The following RFX3 variants were observed in gnomAD, a reference collection of about 807,000 sequenced individuals.
RFX3 encodes the protein transcription factor RFX3.
A neutral mutation model predicts 98.6 loss-of-function variants in RFX3; 14 were observed. The observed-to-expected ratio is 0.14, with a 90% CI of 0.09 to 0.22. The LOEUF is 0.22. Ranked by LOEUF, RFX3 falls within the 10% of genes least tolerant of loss-of-function variation. The pLI is 1.00. For synonymous variants in RFX3, 383 were observed against 328.4 expected (o/e 1.17, Z -1.80); for missense variants, 639 against 926.9 (o/e 0.69, Z 4.03).
chr9:3,453,348 C>T (rs1846843905), intron 1 of RFX3, among the ~76,000 whole-genome samples: 1 of 151,784 alleles, frequency 6.6e-6, no homozygotes, highest in East Asian at 1.9e-4. Context: ...AACAGTATTT[C>T]TTCTGCATAG....
At chr9:3,433,677 T>C (rs1383774116) in intron 1 of RFX3, among the ~76,000 whole-genome samples, 1 of 152,170 alleles carries the variant, frequency 6.6e-6, no homozygotes, top group African/African-American at 2.4e-5. Flanking sequence ...TAAACCAATG[T>C]TTTTCAGAAC....
chr9:3,398,098 G>A (rs942875711), intron 1 of RFX3, among the ~76,000 whole-genome samples: 1 of 152,054 alleles, frequency 6.6e-6, no homozygotes, highest in Non-Finnish European at 1.5e-5. Context: ...TCTCACAAAT[G>A]GTGGTTTATT....
At chr9:3,463,563 CCA>C (rs1847911017) in intron 1 of RFX3, among the ~76,000 whole-genome samples, 1 of 151,766 alleles carries the variant, frequency 6.6e-6, no homozygotes, top group Non-Finnish European at 1.5e-5. Context: ...AAGCACAAGC[CCA>C]CAGACTTGGA....
chr9:3,463,824 A>T (rs1451532141), intron 1 of RFX3, among the ~76,000 whole-genome samples: 4 of 152,094 alleles, frequency 2.6e-5, no homozygotes, highest in African/African-American at 7.2e-5. Flanking sequence ...GTTAAAAAAA[A>T]TTAGCCAGGC....
chr9:3,492,665 A>ATT (rs1850811505), intron 1 of RFX3, among the ~76,000 whole-genome samples: 1 of 152,166 alleles, frequency 6.6e-6, no homozygotes, highest in South Asian at 2.1e-4. Flanking sequence ...ATGCTATGGC[A>ATT]AAGAGCCCAG....
chr9:3,485,737 A>G (rs1193818098), intron 1 of RFX3, among the ~76,000 whole-genome samples: 1 of 152,214 alleles, frequency 6.6e-6, no homozygotes, highest in African/African-American at 2.4e-5. Context: ...CTTTAGTTAT[A>G]AGAGAATATT....
At chr9:3,441,986 G>C (rs1188728652) in intron 1 of RFX3, among the ~76,000 whole-genome samples, 3 of 152,088 alleles carry the variant, frequency 2.0e-5, no homozygotes, top group Non-Finnish European at 4.4e-5. Context: ...GATCACCTGA[G>C]GTCAGGAGTT....
chr9:3,297,380 A>G (rs1404815037), intron 5 of RFX3, among the ~76,000 whole-genome samples: 1 of 151,988 alleles, frequency 6.6e-6, no homozygotes, highest in Non-Finnish European at 1.5e-5. Context: ...ACTAATATAC[A>G]CTCATTTAAT....
At chr9:3,429,244 G>C (rs983653932) in intron 1 of RFX3, among the ~76,000 whole-genome samples, 4 of 150,674 alleles carry the variant, frequency 2.7e-5, no homozygotes, top group Non-Finnish European at 4.4e-5. Context: ...AGATGGTCTC[G>C]ATCTCCTGAC....
chr9:3,504,593 C>CCATATGGTATATATTGT (rs1816547397), intron 1 of RFX3, among the ~76,000 whole-genome samples: 3 of 7,024 alleles, frequency 4.3e-4, no homozygotes, highest in African/African-American at 9.1e-4. Context: ...GTATATATTG[C>CCATATGGTATATATTGT]ATATAAAATA....
chr9:3,288,325 AC>A, intron 6 of RFX3, 75 bp from the exon 7 acceptor site: 3 of 1,398,610 alleles, frequency 2.1e-6, no homozygotes, highest in Non-Finnish European at 3.0e-6. Context: ...TGTCCATTAA[AC>A]TTCACACTTG....
intron 1 of RFX3, among the ~76,000 whole-genome samples, chr9:3,482,540 C>T (rs1849862734): frequency 6.6e-6 from 1 of 152,162 alleles, no homozygotes; most frequent in Non-Finnish European, 1.5e-5. Context: ...TGTCAACTGT[C>T]ATAAGCATGA....
At chr9:3,281,518 T>C (rs11998979) in intron 7 of RFX3, among the ~76,000 whole-genome samples, 33,056 of 151,634 alleles carry the variant, frequency 0.22, 5,100 homozygotes, top group African/African-American at 0.44. Context: ...TACTCTTTCA[T>C]TGAGTGTGCT....
At chr9:3,307,574 A>C (rs986262892) in intron 4 of RFX3, among the ~76,000 whole-genome samples, 1 of 152,196 alleles carries the variant, frequency 6.6e-6, no homozygotes, top group Non-Finnish European at 1.5e-5. Flanking sequence ...AGTCTAAGGG[A>C]GAAGGCTTGG....
chr9:3,482,204 A>AATATGGTGATTT (rs1224779691), intron 1 of RFX3, among the ~76,000 whole-genome samples: 1 of 151,882 alleles, frequency 6.6e-6, no homozygotes, highest in Non-Finnish European at 1.5e-5. Context: ...TACCATTAAA[A>AATATGGTGATTT]GATGTTCAAA....
At chr9:3,487,145 C>T (rs145433231) in intron 1 of RFX3, among the ~76,000 whole-genome samples, 1 of 152,248 alleles carries the variant, frequency 6.6e-6, no homozygotes, top group East Asian at 1.9e-4. Context: ...CACAAGCCAC[C>T]ATGCCCGGCC....
At chr9:3,483,182 C>T (rs1294644109) in intron 1 of RFX3, among the ~76,000 whole-genome samples, 2 of 152,088 alleles carry the variant, frequency 1.3e-5, no homozygotes, top group African/African-American at 4.8e-5. Context: ...CCCAGATACA[C>T]CACTACCCGA....
At position 3,222,643 on chromosome 9, in the gene RFX3, A is replaced by G. The variant is rs1419907192; in HGVS notation, c.*2399T>C. 6.6e-6 allele frequency: 1 copy of G among 152,158 alleles called. No individual in the cohort carries two copies. Among genetic ancestry groups the G allele is most frequent in the East Asian group, 1.9e-4 (1 of 5,204 alleles). The allele number at this position is 152,158 out of a possible 1,614,324, so 9.4% of individuals were successfully genotyped here. On this transcript the variant is annotated 3_prime_UTR_variant, in exon 17 of 17. Coordinates refer to ENST00000617270, the MANE Select transcript of RFX3 (RefSeq NM_001282116.2). ...TTCAGAAAGGAGAGCCAAAATGAAG[A>G]GTGTTTTTTCAATTTTTGATTTTAA...
chr9:3,395,544 G>C lies in RFX3; in HGVS notation c.45C>G (p.Thr15=), dbSNP rs765435841. The C allele has an allele frequency of 3.1e-6, 5 of 1,614,126 alleles. No individual in the cohort carries two copies. In the South Asian group the frequency reaches 5.5e-5, roughly 18 times the overall value. ...CTTGACTAGCCACAGATGTTTGTAA[G>C]GTCACTGTCGAGCCTGTGTCCGACC... ...ETGSDTGSTV[T]LQTSVASQAA... Residue 15 remains threonine, a synonymous_variant, in exon 2 of 17, where the codon ACC becomes ACG. Transcript: ENST00000617270.
Sources: allele counts gnomAD v4.1 joint callset (sites outside exome capture counted in the v4.1 genomes callset), GRCh38; gene constraint gnomAD v4.1.1; transcripts MANE v1.5; gene names NCBI Gene and HGNC (gene_info 2026-07-23, HGNC 2026-07-21).